The following ERCC6 variants were observed in gnomAD, a reference collection of about 807,000 sequenced individuals.
ERCC6 encodes DNA excision repair protein ERCC-6.
In ERCC6, 116 loss-of-function variants were observed where a neutral mutation model predicts 158.7. That is an observed-to-expected ratio of 0.73 (90% CI 0.63 to 0.85). The LOEUF (loss-of-function observed/expected upper bound fraction) is 0.85, where lower values mean the gene tolerates loss of function less well. Among genes scored for constraint, ERCC6 ranks in the 40% least tolerant of loss-of-function variants. The pLI, the probability that ERCC6 is intolerant of heterozygous loss-of-function variation, is 0.00. For synonymous variants in ERCC6, 678 were observed against 659.3 expected (o/e 1.03, Z -0.43); for missense variants, 1,698 against 1,799.4 (o/e 0.94, Z 1.02).
At chr10:49,486,538 T>C (rs533886138) in intron 8 of ERCC6, among the ~76,000 whole-genome samples, 5 of 152,122 alleles carry the variant, frequency 3.3e-5, no homozygotes, top group Non-Finnish European at 4.4e-5. Flanking sequence ...TGAGCCAAAA[T>C]AACAGACTGA....
rs940210669 is a variant in ERCC6, at chr10:49,457,013, T to C, written c.*1802A>G. Reference sequence around the variant, plus strand: ...GGAGGCTATACCTTGTCTAGCTCAATACAGTTTATGTTTCAGACACTATAA... The same window carrying C: ...GGAGGCTATACCTTGTCTAGCTCAACACAGTTTATGTTTCAGACACTATAA... On this transcript the variant is annotated 3_prime_UTR_variant, in exon 21 of 21. Coordinates refer to ENST00000355832, the MANE Select transcript of ERCC6 (RefSeq NM_000124.4). 6.6e-6 allele frequency: 1 copy of C among 152,202 alleles called. No homozygotes were observed. The highest frequency in any genetic ancestry group is 1.5e-5 in the Non-Finnish European group (1 of 68,040). The allele number at this position is 152,202 out of a possible 1,614,324, so 9.4% of individuals were successfully genotyped here. A position where few individuals can be genotyped will look rare whatever the true frequency, so the allele number is the denominator to read the frequency against.
intron 1 of ERCC6, among the ~76,000 whole-genome samples, chr10:49,535,884 G>T (rs971842593): frequency 6.6e-6 from 1 of 152,200 alleles, no homozygotes; most frequent in Non-Finnish European, 1.5e-5. Context: ...AGCACTTTGG[G>T]AGGCCAAGGC....
At chr10:49,530,588 C>A in intron 3 of ERCC6, 132 bp downstream of exon 3, 3 of 1,433,500 alleles carry the variant, frequency 2.1e-6, no homozygotes, top group East Asian at 2.5e-5. Flanking sequence ...AAAAGAAACC[C>A]AAAATTTCTC....
chr10:49,440,300 A>C, the ERCC6 span, among the ~76,000 whole-genome samples: 1 of 152,210 alleles, frequency 6.6e-6, no homozygotes, highest in African/African-American at 2.4e-5. Context: ...GGCAAAAGAA[A>C]ATGAGAAAGA....
At chr10:49,472,703 G>A (rs1850802725) in intron 15 of ERCC6, 8 of 738,160 alleles carry the variant, frequency 1.1e-5, no homozygotes, top group Admixed American at 5.1e-5. Flanking sequence ...CCAACTCTAG[G>A]AATGAATGCT....
At chr10:49,529,007 C>T (rs1837407050) in intron 3 of ERCC6, among the ~76,000 whole-genome samples, 1 of 152,152 alleles carries the variant, frequency 6.6e-6, no homozygotes, top group Admixed American at 6.5e-5. Flanking sequence ...ATATTTATGA[C>T]TGTCCTTTTA....
chr10:49,488,159 G>T (rs750926503), intron 8 of ERCC6: 1 of 216,528 alleles, frequency 4.6e-6, no homozygotes, highest in Non-Finnish European at 9.9e-6. Context: ...CTGACTTACT[G>T]AATGCAGTGC....
In ERCC6 at chr10:49,455,443, A is replaced by C. The variant is rs1054905795; in HGVS notation, c.*3372T>G. The C allele has an allele frequency of 3.3e-5, 5 of 152,238 alleles. No homozygotes were observed. The highest frequency in any genetic ancestry group is 1.2e-4 in the African/African-American group (5 of 41,462). 9.4% of individuals were successfully genotyped at this position (152,238 alleles called of 1,614,324 possible). A position where few individuals can be genotyped will look rare whatever the true frequency, so the allele number is the denominator to read the frequency against. On this transcript the variant is annotated 3_prime_UTR_variant, in exon 21 of 21. Coordinates refer to ENST00000355832, the MANE Select transcript of ERCC6 (RefSeq NM_000124.4). Reference sequence around the variant, plus strand: ...GCTGGAACAGAAAACACCCAAGTATAAGACACTGAAGAGGGGGAGAAAGGA... The same window carrying C: ...GCTGGAACAGAAAACACCCAAGTATCAGACACTGAAGAGGGGGAGAAAGGA...
In ERCC6 at chr10:49,474,116, G is replaced by A. The variant is rs946001428; in HGVS notation, c.2509C>T (p.Arg837Cys). The part of the protein sequence containing the change: ...LEEDQFGYWK[R>C]SGKMIVVESL... Reference sequence around the variant, plus strand: ...TCAACAACAATCATTTTCCCAGAACGTTTCCAGTACCCAAACTGATCTTCT... The same window carrying A: ...TCAACAACAATCATTTTCCCAGAACATTTCCAGTACCCAAACTGATCTTCT... The change falls in exon 13 of 21, where the codon CGT becomes TGT. Residue 837 changes from arginine (R) to cysteine (C), a missense_variant. Arg to Cys is a radical substitution (Grantham distance 180, BLOSUM62 -3). Coordinates refer to ENST00000355832, the MANE Select transcript of ERCC6 (RefSeq NM_000124.4). 1.9e-6 allele frequency: 3 copies of A among 1,614,088 alleles called. No homozygotes were observed. Among genetic ancestry groups the A allele is most frequent in the South Asian group, 1.1e-5 (1 of 91,084 alleles).
Position 49,483,218 on chromosome 10 carries a change from C to T in ERCC6, c.1992+128G>A, listed in dbSNP as rs113584187. The T allele has an allele frequency of 1.3e-4, 134 of 1,003,208 alleles. 1 individual carries two copies. The African/African-American group carries it at 1.7e-3, about 13-fold the overall frequency. The allele number at this position is 1,003,208 out of a possible 1,614,324, so 62.1% of individuals were successfully genotyped here. ...AGTTTTCTGCATTAAGGAAAATGCA[C>T]ATTTTAAATTTCTTGTGCAGTTGGC... On this transcript the variant is annotated intron_variant, in intron 9 of 20. Coordinates refer to ENST00000355832, the MANE Select transcript of ERCC6 (RefSeq NM_000124.4).
intron 1 of ERCC6, among the ~76,000 whole-genome samples, chr10:49,534,307 T>G (rs10776577): frequency 6.6e-6 from 1 of 152,154 alleles, no homozygotes; most frequent in Non-Finnish European, 1.5e-5. Flanking sequence ...AAGCCCCTTG[T>G]AGGGACAACT....
At chr10:49,504,501 T>A (rs529389886) in intron 6 of ERCC6, 105 of 152,300 alleles carry the variant, frequency 6.9e-4, no homozygotes, top group African/African-American at 2.4e-3. Flanking sequence ...CTCAACTTGA[T>A]CCTTGAGGAT....
chr10:49,514,095 CA>C (rs1338251790), intron 5 of ERCC6, among the ~76,000 whole-genome samples: 3 of 152,102 alleles, frequency 2.0e-5, no homozygotes, highest in African/African-American at 7.2e-5. Flanking sequence ...TGCACAAGAA[CA>C]AACCAAATTC....
intron 8 of ERCC6, among the ~76,000 whole-genome samples, chr10:49,487,073 CA>C (rs1851090505): frequency 6.6e-6 from 1 of 152,140 alleles, no homozygotes; most frequent in Non-Finnish European, 1.5e-5. Context: ...TAAAATTCAA[CA>C]TCTTCAAAAA....
At chr10:49,482,366 C>A (rs1850994637) in intron 10 of ERCC6, among the ~76,000 whole-genome samples, 1 of 152,170 alleles carries the variant, frequency 6.6e-6, no homozygotes, top group African/African-American at 2.4e-5. Flanking sequence ...TTCATAATTT[C>A]TAACTGCTCT....
chr10:49,514,517 A>C (rs1407288598), intron 5 of ERCC6, among the ~76,000 whole-genome samples: 1 of 152,192 alleles, frequency 6.6e-6, no homozygotes, highest in African/African-American at 2.4e-5. Context: ...TCAAAATTCA[A>C]AACAGACCTT....
downstream of ERCC6, among the ~76,000 whole-genome samples, chr10:49,453,483 T>C (rs992256536): frequency 6.6e-6 from 1 of 152,240 alleles, no homozygotes; most frequent in South Asian, 2.1e-4. Context: ...ATGTTACATA[T>C]ATGACATTTC....
intron 14 of ERCC6, 79 bp from the exon 15 acceptor site, chr10:49,473,107 A>G: frequency 6.3e-7 from 1 of 1,597,148 alleles, no homozygotes; most frequent in Non-Finnish European, 8.6e-7. Context: ...CACATATTGT[A>G]CACATGGAAT....
intron 19 of ERCC6, 121 bp downstream of exon 19, chr10:49,461,231 C>A: frequency 9.4e-7 from 1 of 1,062,326 alleles, no homozygotes; most frequent in Non-Finnish European, 1.4e-6. Context: ...TGCTATAATC[C>A]CTCCCTGGGG....
Sources: allele counts gnomAD v4.1 joint callset (sites outside exome capture counted in the v4.1 genomes callset), GRCh38; gene constraint gnomAD v4.1.1; transcripts MANE v1.5; gene names NCBI Gene and HGNC (gene_info 2026-07-23, HGNC 2026-07-21).